DYSF: variants seen among roughly 807,000 people sequenced by gnomAD.
The protein encoded by DYSF is dysferlin.
In DYSF, 212 loss-of-function variants were observed where a neutral mutation model predicts 274.9. The ratio of observed to expected loss-of-function variants is 0.77; its 90% CI spans 0.69 to 0.86. DYSF has a LOEUF of 0.86. Ranked by LOEUF, DYSF falls within the 40% of genes least tolerant of loss-of-function variation. DYSF has a pLI of 0.00. For missense variants in DYSF, 2,666 were observed against 2,783.2 expected, an observed-to-expected ratio of 0.96 and a Z score of 0.95; for synonymous variants, 1,091 against 1,078.7, an observed-to-expected ratio of 1.01 and a Z score of -0.22.
intron 51 of DYSF, 128 bp from the exon 52 acceptor site, chr2:71,674,069 C>T (rs2095176317): frequency 1.1e-5 from 9 of 803,480 alleles, no homozygotes; most frequent in Non-Finnish European, 1.7e-5. Context: ...CAGGACCTGG[C>T]TCTGGCAGGT....
chr2:71,466,837 C>G lies in DYSF; in HGVS notation c.-6C>G. 2 of 1,514,244 alleles carry G rather than the reference C, an allele frequency of 1.3e-6. No individual in the cohort carries two copies. The highest frequency in any genetic ancestry group is 1.8e-6 in the Non-Finnish European group (2 of 1,119,396). The allele number at this position is 1,514,244 out of a possible 1,614,324, so 93.8% of individuals were successfully genotyped here. On this transcript the variant is annotated 5_prime_UTR_variant, in exon 1 of 56. Coordinates refer to ENST00000410020, the MANE Select transcript of DYSF (RefSeq NM_001130987.2). ...CGCGCCTGTGTGCCGCCGGGGCTGC[C>G]CAGCCATGCTGTGCTGCCTGCTGGT...
At chr2:71,471,744 C>T (rs1236130034) in intron 1 of DYSF, among the ~76,000 whole-genome samples, 2 of 151,968 alleles carry the variant, frequency 1.3e-5, no homozygotes, top group Admixed American at 6.6e-5. Flanking sequence ...CTGAGGTGGG[C>T]GGATTGCTTG....
intron 42 of DYSF, among the ~76,000 whole-genome samples, chr2:71,651,742 A>G (rs1337942615): frequency 6.6e-6 from 1 of 152,200 alleles, no homozygotes; most frequent in African/African-American, 2.4e-5. Flanking sequence ...ATGAATATAT[A>G]TGAAAAATCT....
intron 16 of DYSF, among the ~76,000 whole-genome samples, chr2:71,537,435 G>T (rs779119566): frequency 1.3e-5 from 2 of 151,900 alleles, no homozygotes; most frequent in African/African-American, 2.4e-5. Flanking sequence ...TAGTAGAAAC[G>T]GGGCTTCATC....
intron 20 of DYSF, 52 bp downstream of exon 20, chr2:71,553,240 G>A (rs759784543): frequency 6.2e-7 from 1 of 1,610,984 alleles, no homozygotes; most frequent in Non-Finnish European, 8.5e-7. Flanking sequence ...TAGAGCAGGG[G>A]GCCACACCTT....
chr2:71,680,861 G>A, intron 53 of DYSF, 140 bp from the exon 54 acceptor site: 1 of 721,872 alleles, frequency 1.4e-6, no homozygotes, highest in South Asian at 1.6e-5. Context: ...CAAAGAGCAG[G>A]TGCTGCTTTT....
At chr2:71,650,301 C>T (rs1450668802) in intron 42 of DYSF, among the ~76,000 whole-genome samples, 8 of 152,062 alleles carry the variant, frequency 5.3e-5, no homozygotes, top group Non-Finnish European at 8.8e-5. Flanking sequence ...GTCAATACAG[C>T]GAAACTCTGT....
chr2:71,470,049 A>G (rs1239797017), intron 1 of DYSF, among the ~76,000 whole-genome samples: 1 of 152,106 alleles, frequency 6.6e-6, no homozygotes, highest in African/African-American at 2.4e-5. Context: ...GAAACATCTT[A>G]TTTCCTTGAA....
chr2:71,563,369 G>C (rs924799049), intron 23 of DYSF, among the ~76,000 whole-genome samples: 3 of 152,196 alleles, frequency 2.0e-5, no homozygotes, highest in African/African-American at 7.2e-5. Context: ...ACCCTGGGTG[G>C]AGACCTGGGG....
intron 40 of DYSF, 126 bp downstream of exon 40, chr2:71,613,536 C>T (rs1199262165): frequency 8.2e-5 from 72 of 876,640 alleles, no homozygotes; most frequent in Admixed American, 6.0e-5. Context: ...CTGGGCTCTG[C>T]GGTTGGACAC....
chr2:71,466,781 G>A lies in DYSF; in HGVS notation c.-62G>A. ...CCGGGCGCTTGCTGGGTGGGTGCTCGGGCCCGGTGCTCCCGCTCCCGCCCT... is the reference window on the plus strand; with the variant it reads ...CCGGGCGCTTGCTGGGTGGGTGCTCAGGCCCGGTGCTCCCGCTCCCGCCCT... On this transcript the variant is annotated 5_prime_UTR_variant, in exon 1 of 56. Coordinates refer to ENST00000410020, the MANE Select transcript of DYSF (RefSeq NM_001130987.2). 1.4e-6 allele frequency: 2 copies of A among 1,434,180 alleles called. No individual in the cohort carries two copies. Among genetic ancestry groups the A allele is most frequent in the South Asian group, 1.4e-5 (1 of 71,250 alleles). The allele number at this position is 1,434,180 out of a possible 1,614,324, so 88.8% of individuals were successfully genotyped here. A position where few individuals can be genotyped will look rare whatever the true frequency, so the allele number is the denominator to read the frequency against.
intron 1 of DYSF, among the ~76,000 whole-genome samples, chr2:71,479,173 A>ACG (rs1553507232): frequency 1.4e-5 from 2 of 147,094 alleles, no homozygotes; most frequent in Admixed American, 6.8e-5. Context: ...CGACCCAAAT[A>ACG]AAAGTTCTGT....
chr2:71,590,118 C>G, intron 31 of DYSF, 93 bp from the exon 32 acceptor site: 1 of 1,298,508 alleles, frequency 7.7e-7, no homozygotes, highest in Non-Finnish European at 1.1e-6. Flanking sequence ...GTCTGCTGCC[C>G]TTTCTAGGGA....
At chr2:71,659,708 G>C (rs957164764) in intron 44 of DYSF, among the ~76,000 whole-genome samples, 3 of 152,188 alleles carry the variant, frequency 2.0e-5, no homozygotes. Context: ...TCTCCCTCTA[G>C]TCATTGCCTG....
At chr2:71,680,868 T>C (rs2095287392) in intron 53 of DYSF, 133 bp from the exon 54 acceptor site, 1 of 762,172 alleles carries the variant, frequency 1.3e-6, no homozygotes, top group Non-Finnish European at 2.2e-6. Context: ...CAGGTGCTGC[T>C]TTTATGTTCA....
chr2:71,471,780 C>G (rs973129995), intron 1 of DYSF, among the ~76,000 whole-genome samples: 1 of 152,128 alleles, frequency 6.6e-6, no homozygotes, highest in Non-Finnish European at 1.5e-5. Context: ...GGCCAGCCAA[C>G]AGGGTGAAAC....
rs148002515 is a variant in DYSF, at chr2:71,467,861, A to T, written c.91+928A>T. Among the ~76,000 whole-genome samples the T allele has an allele frequency of 2.4e-3, 360 of 152,300 alleles. 2 individuals carry two copies. The highest frequency in any genetic ancestry group is 8.2e-3 in the African/African-American group (342 of 41,564). The stretch of plus-strand genomic sequence containing the variant: ...AAAGATAGTCAAATGAAGAAGGAAG[A>T]GTAGCTGGTGTTTTCATAAGCCTCC... On this transcript the variant is annotated intron_variant, in intron 1 of 55. Coordinates refer to ENST00000410020, the MANE Select transcript of DYSF (RefSeq NM_001130987.2).
chr2:71,612,852 C>T, intron 39 of DYSF, 46 bp downstream of exon 39: 1 of 1,584,082 alleles, frequency 6.3e-7, no homozygotes, highest in Non-Finnish European at 8.6e-7. Context: ...GGGGGAGCCT[C>T]AGGGCCAAGC....
chr2:71,539,679 C>T (rs2089731882), intron 17 of DYSF, among the ~76,000 whole-genome samples: 1 of 152,108 alleles, frequency 6.6e-6, no homozygotes, highest in African/African-American at 2.4e-5. Flanking sequence ...CATAAGCCCA[C>T]CCCTCCGGAC....
Sources: gnomAD v4.1 joint callset for allele counts (sites outside exome capture counted in the v4.1 genomes callset) on GRCh38, gnomAD v4.1.1 for gene constraint, MANE v1.5 for transcripts, NCBI Gene and HGNC (gene_info 2026-07-23, HGNC 2026-07-21) for gene names.